The following CASZ1 variants were observed in gnomAD, a reference collection of about 807,000 sequenced individuals.
CASZ1 encodes the protein zinc finger protein castor homolog 1.
Under a neutral mutation model 135.2 loss-of-function variants are expected in CASZ1, and 28 were observed. That is an observed-to-expected ratio of 0.21 (90% CI 0.15 to 0.28). CASZ1 has a LOEUF of 0.28. CASZ1 is among the 10% of genes least tolerant of loss of function. The pLI, the probability that CASZ1 is intolerant of heterozygous loss-of-function variation, is 1.00. For missense variants in CASZ1, 2,161 were observed against 2,453.3 expected, an observed-to-expected ratio of 0.88 and a Z score of 2.52; for synonymous variants, 1,068 against 1,073.4, an observed-to-expected ratio of 0.99 and a Z score of 0.10.
chr1:10,768,221 T>G (rs1349236073), intron 1 of CASZ1, among the ~76,000 whole-genome samples: 1 of 151,974 alleles, frequency 6.6e-6, no homozygotes, highest in Non-Finnish European at 1.5e-5. Flanking sequence ...TTTGTTTGTT[T>G]GTTTGTTTGT....
intron 4 of CASZ1, among the ~76,000 whole-genome samples, chr1:10,669,777 G>T (rs538820055): frequency 2.0e-5 from 3 of 151,100 alleles, no homozygotes; most frequent in East Asian, 4.0e-4. Context: ...GTGGGTGGGG[G>T]TCTGTCCCAG....
At position 10,654,323 on chromosome 1, in the gene CASZ1, A is replaced by G. The variant is rs143799897; in HGVS notation, c.1838+96T>C. ...CCCCCGGGTGGAAAACCCAGGCTGG[A>G]CACCGAGGCAGGGGCCTGAGCCGTC... is the stretch of plus-strand genomic sequence containing the variant. On this transcript the variant is annotated intron_variant, in intron 10 of 20. Transcript: ENST00000377022. The G allele has an allele frequency of 5.5e-5, 86 of 1,574,900 alleles. No homozygotes were observed. In the African/African-American group the frequency reaches 1.0e-3, roughly 19 times the overall value.
At chr1:10,678,059 G>C (rs1318310191) in intron 4 of CASZ1, among the ~76,000 whole-genome samples, 1 of 152,218 alleles carries the variant, frequency 6.6e-6, no homozygotes, top group Non-Finnish European at 1.5e-5. Context: ...TGTGTTGATG[G>C]GGAGACAGGG....
chr1:10,658,175 A>G (rs899903828), intron 7 of CASZ1: 2 of 303,760 alleles, frequency 6.6e-6, no homozygotes, highest in African/African-American at 4.2e-5. Flanking sequence ...GGTGGCCTGC[A>G]CCCTACTCAA....
rs1470040685 is a variant in CASZ1 at position 10,694,595 on chromosome 1, C to G, written c.-23-683G>C. The G allele has an allele frequency of 1.4e-5, 2 of 138,820 alleles. No homozygotes were observed. Among genetic ancestry groups the G allele is most frequent in the Admixed American group, 7.0e-5 (1 of 14,314 alleles). 8.6% of individuals were successfully genotyped at this position (138,820 alleles called of 1,614,324 possible). ...GAGCAGAGCGCGGCCCCGCCGCCGC[C>G]GCCGCCGCCGCCGCCGCCGCCGCCG... On this transcript the variant is annotated intron_variant, in intron 3 of 20. Transcript: ENST00000377022. The surrounding 1 kb of genome is among the most constrained non-coding windows in gnomAD (Gnocchi z 6.6).
chr1:10,671,754 C>T (rs915858099), intron 4 of CASZ1, among the ~76,000 whole-genome samples: 3 of 152,248 alleles, frequency 2.0e-5, no homozygotes, highest in Non-Finnish European at 2.9e-5. Context: ...GGTCCTTACT[C>T]GCTATGCCCG....
chr1:10,692,676 C>A (rs1482503330), intron 4 of CASZ1, among the ~76,000 whole-genome samples: 1 of 152,228 alleles, frequency 6.6e-6, no homozygotes, highest in African/African-American at 2.4e-5. Context: ...CCCCAACAAA[C>A]ACAGGCCCTT....
rs1056485243 is a variant in CASZ1, at chr1:10,720,578, C to A, written c.-76-15034G>T. On this transcript the variant is annotated intron_variant, in intron 2 of 20. Coordinates refer to ENST00000377022, the MANE Select transcript of CASZ1 (RefSeq NM_001079843.3). This position sits in a 1 kb window ranked among gnomAD's most constrained non-coding sequence, Gnocchi z 5.7. ...GGCAGTCCCATTTGCCTATCAAAAACTGTACATTCGCTCGGCTTTCCACGG... is the reference window on the plus strand; with the variant it reads ...GGCAGTCCCATTTGCCTATCAAAAAATGTACATTCGCTCGGCTTTCCACGG... 3.9e-5 allele frequency among the ~76,000 whole-genome samples: 6 copies of A among 152,222 alleles called. No homozygotes were observed. Among genetic ancestry groups the A allele is most frequent in the Non-Finnish European group, 8.8e-5 (6 of 68,030 alleles).
At chr1:10,695,564 T>C (rs1240598232) in intron 3 of CASZ1, among the ~76,000 whole-genome samples, 137 of 10,396 alleles carry the variant, frequency 0.013, no homozygotes, top group Admixed American at 0.034. Context: ...TCCCGGCTCC[T>C]CCTCCCCTCC....
chr1:10,696,877 C>T (rs938236858), intron 3 of CASZ1, among the ~76,000 whole-genome samples: 5 of 152,312 alleles, frequency 3.3e-5, no homozygotes, highest in African/African-American at 9.6e-5. Context: ...CTCCAGCTGC[C>T]CAGGCAGGAC....
intron 4 of CASZ1, among the ~76,000 whole-genome samples, chr1:10,668,819 G>A (rs762897667): frequency 3.9e-5 from 6 of 152,262 alleles, no homozygotes; most frequent in Non-Finnish European, 7.3e-5. Flanking sequence ...GCCTAGCAGG[G>A]ATGAACCTGG....
intron 5 of CASZ1, among the ~76,000 whole-genome samples, chr1:10,661,569 C>T (rs1006300667): frequency 2.0e-5 from 3 of 150,844 alleles, no homozygotes; most frequent in African/African-American, 4.9e-5. Context: ...ACAACACACA[C>T]ATGCATTCTC....
chr1:10,778,121 A>C (rs952934056), intron 1 of CASZ1, among the ~76,000 whole-genome samples: 1 of 152,006 alleles, frequency 6.6e-6, no homozygotes, highest in African/African-American at 2.4e-5. Context: ...TCACAATTTC[A>C]CACAAAATCT....
At chr1:10,752,051 C>T (rs1046018690) in intron 2 of CASZ1, among the ~76,000 whole-genome samples, 1 of 152,154 alleles carries the variant, frequency 6.6e-6, no homozygotes, top group Non-Finnish European at 1.5e-5. Context: ...GCAGTGACAG[C>T]CCAGGCAGGC....
At chr1:10,641,633 C>T (rs2124665957) in intron 20 of CASZ1, among the ~76,000 whole-genome samples, 1 of 152,328 alleles carries the variant, frequency 6.6e-6, no homozygotes, top group Non-Finnish European at 1.5e-5. Context: ...GCAGACCTTC[C>T]CGAAAGCCTC....
chr1:10,734,837 C>T (rs182098317), intron 2 of CASZ1, among the ~76,000 whole-genome samples: 1 of 152,132 alleles, frequency 6.6e-6, no homozygotes, highest in Admixed American at 6.5e-5. Context: ...GGGCCCTTTA[C>T]ACCTGCCCTG....
In CASZ1 at chr1:10,774,086, C is replaced by T. The variant is rs1416025377; in HGVS notation, c.-233-13229G>A. The stretch of plus-strand genomic sequence containing the variant: ...CAGGTGCCTGCACAGAGGCCAGGTG[C>T]TCCTGGGGTCCTCCACCGCCAGGCC... On this transcript the variant is annotated intron_variant, in intron 1 of 20. Transcript: ENST00000377022. The surrounding 1 kb of genome is among the most constrained non-coding windows in gnomAD (Gnocchi z 4.4). Among the ~76,000 whole-genome samples the T allele has an allele frequency of 6.6e-6, 1 of 152,176 alleles. No homozygotes were observed. The highest frequency in any genetic ancestry group is 1.5e-5 in the Non-Finnish European group (1 of 68,044).
Position 10,690,088 on chromosome 1 carries a change from G to A in CASZ1, c.16+3786C>T, listed in dbSNP as rs76916152. ...TGGTTGAGTGGGTGTATCTGGCCAAGTAAAGGCTGGAGGAAGGAAATTGAG... is the reference window on the plus strand; with the variant it reads ...TGGTTGAGTGGGTGTATCTGGCCAAATAAAGGCTGGAGGAAGGAAATTGAG... On this transcript the variant is annotated intron_variant, in intron 4 of 20. Transcript: ENST00000377022. Among the ~76,000 whole-genome samples the A allele has an allele frequency of 7.3e-3, 1,112 of 152,332 alleles. 18 individuals are homozygous for A. The highest frequency in any genetic ancestry group is 0.026 in the African/African-American group (1,061 of 41,576).
chr1:10,793,947 G>C (rs1296151196), intron 1 of CASZ1, among the ~76,000 whole-genome samples: 2 of 152,188 alleles, frequency 1.3e-5, no homozygotes, highest in African/African-American at 4.8e-5. Context: ...GCCCGCCCGG[G>C]ACGCACCGCC....
Sources: gnomAD v4.1 joint callset for allele counts (sites outside exome capture counted in the v4.1 genomes callset) on GRCh38, gnomAD v4.1.1 for gene constraint, Gnocchi (gnomAD v3.1) non-coding constraint, MANE v1.5 for transcripts, NCBI Gene and HGNC (gene_info 2026-07-23, HGNC 2026-07-21) for gene names.